Variants in VPS50 observed in about 807,000 individuals in gnomAD.
VPS50 encodes syndetin.
A neutral mutation model predicts 139.7 loss-of-function variants in VPS50; 70 were observed. That is an observed-to-expected ratio of 0.50 (90% CI 0.41 to 0.61). The LOEUF (loss-of-function observed/expected upper bound fraction) is 0.61. Among genes scored for constraint, VPS50 ranks in the 20% least tolerant of loss-of-function variants. The pLI is 0.00. For synonymous variants in VPS50, 365 were observed against 376.7 expected, an observed-to-expected ratio of 0.97 and a Z score of 0.36; for missense variants, 921 against 1,133.7, an observed-to-expected ratio of 0.81 and a Z score of 2.69.
At chr7:93,316,898 T>C (rs1313086898) in intron 20 of VPS50, among the ~76,000 whole-genome samples, 1 of 152,188 alleles carries the variant, frequency 6.6e-6, no homozygotes, top group African/African-American at 2.4e-5. Context: ...GCAGAGGCTC[T>C]TAACAATTTG....
At chr7:93,251,048 T>G (rs1795310355) in intron 2 of VPS50, among the ~76,000 whole-genome samples, 1 of 152,146 alleles carries the variant, frequency 6.6e-6, no homozygotes, top group Non-Finnish European at 1.5e-5. Flanking sequence ...GGAGAGGATG[T>G]GGAGAAATAA....
At chr7:93,346,768 C>A (rs1441511082) in intron 23 of VPS50, among the ~76,000 whole-genome samples, 3 of 136,690 alleles carry the variant, frequency 2.2e-5, no homozygotes, top group African/African-American at 6.1e-5. Context: ...AACTGGCTAG[C>A]CATATGTAGA....
chr7:93,330,310 A>G (rs1797897823), intron 21 of VPS50, among the ~76,000 whole-genome samples: 1 of 152,188 alleles, frequency 6.6e-6, no homozygotes, highest in African/African-American at 2.4e-5. Context: ...AGGAAGAACC[A>G]AGGAGGGAAA....
chr7:93,247,412 T>G (rs1795188249), intron 2 of VPS50, among the ~76,000 whole-genome samples: 1 of 151,980 alleles, frequency 6.6e-6, no homozygotes, highest in African/African-American at 2.4e-5. Flanking sequence ...AAGCCACCCT[T>G]TATTGCTTTA....
At position 93,348,704 on chromosome 7, in the gene VPS50, C is replaced by T; in HGVS notation, c.2208-7C>T. The T allele has an allele frequency of 1.3e-6, 2 of 1,585,984 alleles. No individual in the cohort carries two copies. Among genetic ancestry groups the T allele is most frequent in the Non-Finnish European group, 1.7e-6 (2 of 1,155,250 alleles). ...TGTTTACACAGTGGGTTATTTATTC[C>T]CTTTAGGGTATTCTTGGCTGAACAG... On this transcript the variant is annotated splice_region_variant and splice_polypyrimidine_tract_variant and intron_variant, in intron 23 of 27. Coordinates refer to ENST00000305866, the MANE Select transcript of VPS50 (RefSeq NM_017667.4).
intron 21 of VPS50, among the ~76,000 whole-genome samples, chr7:93,329,600 C>T (rs1209053595): frequency 6.6e-6 from 1 of 151,748 alleles, no homozygotes; most frequent in Non-Finnish European, 1.5e-5. Flanking sequence ...GAAGAGGAAG[C>T]ATAAAGAAAT....
intron 9 of VPS50, among the ~76,000 whole-genome samples, chr7:93,266,110 C>T (rs553093560): frequency 6.7e-4 from 102 of 152,274 alleles, no homozygotes; most frequent in African/African-American, 2.4e-3. Context: ...CTGGAATAGG[C>T]TCTGATTTAA....
intron 9 of VPS50, among the ~76,000 whole-genome samples, chr7:93,270,394 T>A (rs188659144): frequency 2.0e-5 from 3 of 152,056 alleles, no homozygotes; most frequent in African/African-American, 7.2e-5. Flanking sequence ...AAGCATACAG[T>A]ATATACTATT....
intron 13 of VPS50, among the ~76,000 whole-genome samples, chr7:93,294,157 C>G (rs187988464): frequency 6.6e-6 from 1 of 152,242 alleles, no homozygotes. Context: ...TTAATGTAGA[C>G]TATCCTCTTA....
At chr7:93,306,144 C>T in intron 18 of VPS50, 140 bp downstream of exon 18, 1 of 614,856 alleles carries the variant, frequency 1.6e-6, no homozygotes, top group Non-Finnish European at 2.9e-6. Flanking sequence ...TATGCTATTA[C>T]ATTTATAGAT....
chr7:93,307,275 C>G (rs1304932360), intron 18 of VPS50, among the ~76,000 whole-genome samples: 2 of 151,840 alleles, frequency 1.3e-5, no homozygotes, highest in African/African-American at 4.8e-5. Context: ...TGAAGCTTAT[C>G]AGACACACAT....
intron 18 of VPS50, among the ~76,000 whole-genome samples, chr7:93,306,833 AG>A (rs1436881787): frequency 6.6e-6 from 1 of 151,938 alleles, no homozygotes; most frequent in Non-Finnish European, 1.5e-5. Flanking sequence ...AATATGTTGA[AG>A]GATTTGTCTT....
intron 20 of VPS50, among the ~76,000 whole-genome samples, chr7:93,320,129 A>C (rs997363964): frequency 6.6e-6 from 1 of 152,096 alleles, no homozygotes; most frequent in Non-Finnish European, 1.5e-5. Flanking sequence ...CTTGTGAGTA[A>C]TTAGAACTAT....
chr7:93,257,759 A>G, intron 6 of VPS50: 1 of 261,860 alleles, frequency 3.8e-6, no homozygotes, highest in Non-Finnish European at 7.0e-6. Context: ...CCAATCTGTT[A>G]CAGGCTGTGA....
Position 93,341,566 on chromosome 7 carries a change from C to T in VPS50, c.2198C>T (p.Thr733Met), listed in dbSNP as rs772449766. ...LYGLAERVVA[T>M]ESLVFLAEQF... ...GGGTTGGCAGAAAGAGTGGTAGCCA[C>T]GGAATCCTTGTAAGTTGTTCAAAAC... is the stretch of plus-strand genomic sequence containing the variant. Residue 733 changes from threonine to methionine, a missense_variant, in exon 23 of 28, where the codon ACG becomes ATG. Coordinates refer to ENST00000305866, the MANE Select transcript of VPS50 (RefSeq NM_017667.4). 9.4e-6 allele frequency: 15 copies of T among 1,603,258 alleles called. No individual in the cohort carries two copies. Among genetic ancestry groups the T allele is most frequent in the Admixed American group, 1.7e-5 (1 of 57,622 alleles).
chr7:93,295,960 A>G (rs192182064), intron 14 of VPS50, among the ~76,000 whole-genome samples: 1 of 152,196 alleles, frequency 6.6e-6, no homozygotes, highest in Non-Finnish European at 1.5e-5. Context: ...TCCTGGGCCC[A>G]AGTGATATTC....
chr7:93,341,148 C>T (rs1019389015), intron 22 of VPS50, among the ~76,000 whole-genome samples: 33 of 152,156 alleles, frequency 2.2e-4, no homozygotes, highest in African/African-American at 7.7e-4. Flanking sequence ...TGTGAAACAT[C>T]TGTCAATTCA....
At chr7:93,260,665 A>T (rs1795639319) in intron 9 of VPS50, among the ~76,000 whole-genome samples, 1 of 151,060 alleles carries the variant, frequency 6.6e-6, no homozygotes, top group African/African-American at 2.4e-5. Flanking sequence ...TGCAGATTGA[A>T]GTTACATGTT....
intron 12 of VPS50, among the ~76,000 whole-genome samples, chr7:93,277,632 C>T (rs1025659097): frequency 5.1e-4 from 78 of 152,008 alleles, no homozygotes; most frequent in Admixed American, 4.7e-3. Flanking sequence ...AAGTTAATAA[C>T]GACAGTGGAT....
Sources: allele counts gnomAD v4.1 joint callset (sites outside exome capture counted in the v4.1 genomes callset), GRCh38; gene constraint gnomAD v4.1.1; transcripts MANE v1.5; gene names NCBI Gene and HGNC (gene_info 2026-07-23, HGNC 2026-07-21).